The following SLC44A5 variants were observed in gnomAD, a reference collection of about 807,000 sequenced individuals.
SLC44A5 encodes choline transporter-like protein 5.
Under a neutral mutation model 101.8 loss-of-function variants are expected in SLC44A5, and 57 were observed. The ratio of observed to expected loss-of-function variants is 0.56; its 90% confidence interval spans 0.45 to 0.70. SLC44A5 has a LOEUF of 0.70. Among genes scored for constraint, SLC44A5 ranks in the 30% least tolerant of loss-of-function variants. The probability of loss-of-function intolerance (pLI) is 0.00; values close to 1 mark genes in which losing one functional copy is unlikely to be tolerated. For missense variants in SLC44A5, 737 were observed against 853.1 expected, an observed-to-expected ratio of 0.86 and a Z score of 1.70; for synonymous variants, 281 against 290.9, an observed-to-expected ratio of 0.97 and a Z score of 0.35.
chr1:75,448,720 C>T (rs998683246), intron 2 of SLC44A5, among the ~76,000 whole-genome samples: 8 of 152,162 alleles, frequency 5.3e-5, no homozygotes, highest in African/African-American at 1.7e-4. Flanking sequence ...GTCTCCCTAC[C>T]TTTACATTAG....
chr1:75,241,007 T>C lies in SLC44A5; in HGVS notation c.532+994A>G, dbSNP rs553181350. 2.4e-4 allele frequency among the ~76,000 whole-genome samples: 37 copies of C among 152,150 alleles called. No homozygotes were observed. In the South Asian group the frequency reaches 5.8e-3, roughly 24 times the overall value. ...TTTATTTAACATTATAACATATACA[T>C]GCATGTTATTCTAATAGTTATATTT... On this transcript the variant is annotated intron_variant, in intron 9 of 23. Coordinates refer to ENST00000370859, the MANE Select transcript of SLC44A5 (RefSeq NM_001130058.2).
the SLC44A5 span, among the ~76,000 whole-genome samples, chr1:75,697,900 C>T: frequency 6.6e-6 from 1 of 152,174 alleles, no homozygotes; most frequent in African/African-American, 2.4e-5. Flanking sequence ...CAGATGGCAC[C>T]TGGAAAATCG....
At chr1:75,580,869 G>T (rs1309200140) in intron 1 of SLC44A5, among the ~76,000 whole-genome samples, 1 of 150,268 alleles carries the variant, frequency 6.7e-6, no homozygotes, top group South Asian at 2.1e-4. Context: ...GAAAAACAAA[G>T]AAAGGAAAGG....
At chr1:75,661,935 T>C in the SLC44A5 span, among the ~76,000 whole-genome samples, 15 of 152,098 alleles carry the variant, frequency 9.9e-5, no homozygotes, top group South Asian at 2.1e-4. Context: ...GAAAGCAGTA[T>C]GGAGGTTCCT....
At chr1:75,480,852 C>T (rs902806956) in intron 2 of SLC44A5, among the ~76,000 whole-genome samples, 1 of 152,246 alleles carries the variant, frequency 6.6e-6, no homozygotes, top group South Asian at 2.1e-4. Context: ...AGATTCAATG[C>T]CATCCCCATC....
intron 2 of SLC44A5, among the ~76,000 whole-genome samples, chr1:75,449,675 C>T (rs78271529): frequency 0.023 from 3,471 of 151,250 alleles, 57 homozygotes; most frequent in Non-Finnish European, 0.036. Flanking sequence ...GGTTTTTTTT[C>T]CCCAAGATAG....
intron 5 of SLC44A5, among the ~76,000 whole-genome samples, chr1:75,287,923 C>T (rs1202288747): frequency 6.6e-6 from 1 of 152,068 alleles, no homozygotes. Context: ...TTGTGTTGGC[C>T]TCCAGCCAGG....
chr1:75,336,843 C>T (rs1038825340), intron 4 of SLC44A5, among the ~76,000 whole-genome samples: 5 of 152,132 alleles, frequency 3.3e-5, no homozygotes, highest in Non-Finnish European at 7.4e-5. Context: ...AACTAATTGA[C>T]TTGAAAAATA....
rs549655037 is a variant in SLC44A5, at chr1:75,405,793, C to T, written c.14-9172G>A. 9.6e-5 allele frequency among the ~76,000 whole-genome samples: 14 copies of T among 146,386 alleles called. No individual in the cohort carries two copies. The South Asian group carries it at 2.0e-3, about 20-fold the overall frequency. On this transcript the variant is annotated intron_variant, in intron 2 of 23. Transcript: ENST00000370859. Reference sequence around the variant, plus strand: ...TCAGCACCCTAACATCACAATTAAACGAACTAGAGAAGCAAGAGCAAACAA... The same window carrying T: ...TCAGCACCCTAACATCACAATTAAATGAACTAGAGAAGCAAGAGCAAACAA...
chr1:75,457,930 A>G (rs1011577751), intron 2 of SLC44A5, among the ~76,000 whole-genome samples: 1 of 152,172 alleles, frequency 6.6e-6, no homozygotes, highest in African/African-American at 2.4e-5. Flanking sequence ...GTTGGAGAAA[A>G]ATCAGGACCA....
the SLC44A5 span, among the ~76,000 whole-genome samples, chr1:75,719,752 G>A: frequency 5.9e-5 from 9 of 151,952 alleles, no homozygotes; most frequent in African/African-American, 1.2e-4. Flanking sequence ...TTTTACTTCC[G>A]AGAAAACTAA....
intron 4 of SLC44A5, among the ~76,000 whole-genome samples, chr1:75,339,181 C>G (rs1369772233): frequency 6.6e-6 from 1 of 152,138 alleles, no homozygotes; most frequent in Non-Finnish European, 1.5e-5. Flanking sequence ...AGCACAAATA[C>G]TTGGCTTGGA....
At chr1:75,424,880 A>C (rs1342104640) in intron 2 of SLC44A5, among the ~76,000 whole-genome samples, 1 of 152,242 alleles carries the variant, frequency 6.6e-6, no homozygotes, top group African/African-American at 2.4e-5. Flanking sequence ...TGTATTCCCC[A>C]ACTCATCAAA....
chr1:75,376,942 G>T (rs1660668671), intron 3 of SLC44A5, among the ~76,000 whole-genome samples: 1 of 152,126 alleles, frequency 6.6e-6, no homozygotes, highest in Admixed American at 6.5e-5. Flanking sequence ...AAATTTAGAA[G>T]AATGTAAAAC....
chr1:75,478,997 G>T (rs1471687441), intron 2 of SLC44A5, among the ~76,000 whole-genome samples: 1 of 152,148 alleles, frequency 6.6e-6, no homozygotes, highest in African/African-American at 2.4e-5. Flanking sequence ...CCGCATACTT[G>T]GAAGTAAAGC....
intron 3 of SLC44A5, among the ~76,000 whole-genome samples, chr1:75,360,267 C>A (rs998949375): frequency 6.6e-6 from 1 of 152,020 alleles, no homozygotes; most frequent in Admixed American, 6.6e-5. Context: ...TGGAAATTTT[C>A]TTCTGTTTTG....
chr1:75,698,993 T>C, the SLC44A5 span, among the ~76,000 whole-genome samples: 4 of 152,044 alleles, frequency 2.6e-5, no homozygotes, highest in African/African-American at 7.3e-5. Flanking sequence ...CCAAGAAATA[T>C]GGGACTATGT....
At chr1:75,641,813 G>A in the SLC44A5 span, 3 of 1,520,350 alleles carry the variant, frequency 2.0e-6, no homozygotes, top group African/African-American at 1.4e-5. Flanking sequence ...ATCACATAAA[G>A]GCCAGTTTTC....
At chr1:75,618,123 A>G in the SLC44A5 span, among the ~76,000 whole-genome samples, 1 of 152,256 alleles carries the variant, frequency 6.6e-6, no homozygotes, top group Non-Finnish European at 1.5e-5. Context: ...GCTTCAGACC[A>G]GGAATGGTTT....
Sources: allele counts gnomAD v4.1 joint callset (sites outside exome capture counted in the v4.1 genomes callset), GRCh38; gene constraint gnomAD v4.1.1; transcripts MANE v1.5; gene names NCBI Gene and HGNC (gene_info 2026-07-23, HGNC 2026-07-21).